Variants in MTHFD2L observed in about 807,000 individuals in gnomAD.
The protein encoded by MTHFD2L is methylenetetrahydrofolate dehydrogenase (NADP+ dependent) 2 like.
Under a neutral mutation model 34.9 loss-of-function variants are expected in MTHFD2L, and 29 were observed. That is an observed-to-expected ratio of 0.83 (90% CI 0.62 to 1.13). The LOEUF (loss-of-function observed/expected upper bound fraction) is 1.13, where lower values mean the gene tolerates loss of function less well. Ranked by LOEUF, MTHFD2L falls within the 50% of genes most tolerant of loss-of-function variation. The pLI is 0.00. For missense variants in MTHFD2L, 481 were observed against 446.5 expected (o/e 1.08, Z -0.70); for synonymous variants, 167 against 155.7 (o/e 1.07, Z -0.54).
chr4:74,251,412 G>T (rs1007815708), intron 6 of MTHFD2L, among the ~76,000 whole-genome samples: 7 of 152,264 alleles, frequency 4.6e-5, no homozygotes, highest in African/African-American at 1.7e-4. Context: ...GGTTGTGATT[G>T]TACTCCAGCT....
intron 5 of MTHFD2L, among the ~76,000 whole-genome samples, chr4:74,207,021 C>T (rs946972729): frequency 2.3e-4 from 35 of 152,082 alleles, no homozygotes; most frequent in African/African-American, 8.2e-4. Context: ...CTGTTGGGAG[C>T]ACGGTTGTTG....
intron 6 of MTHFD2L, among the ~76,000 whole-genome samples, chr4:74,231,330 T>C (rs992118549): frequency 2.6e-5 from 4 of 152,046 alleles, no homozygotes; most frequent in Non-Finnish European, 5.9e-5. Flanking sequence ...ACAGGGTTCG[T>C]AATTTTCAGG....
intron 6 of MTHFD2L, among the ~76,000 whole-genome samples, chr4:74,252,148 T>C (rs1420036189): frequency 6.6e-6 from 1 of 152,256 alleles, no homozygotes; most frequent in Non-Finnish European, 1.5e-5. Flanking sequence ...AGCAGCACCT[T>C]CTGCCATATA....
intron 7 of MTHFD2L, among the ~76,000 whole-genome samples, chr4:74,284,886 C>T (rs1747961036): frequency 6.6e-6 from 1 of 152,130 alleles, no homozygotes; most frequent in Non-Finnish European, 1.5e-5. Flanking sequence ...AAGACACATG[C>T]ACACGTATGT....
intron 1 of MTHFD2L, among the ~76,000 whole-genome samples, chr4:74,127,987 T>C (rs1042960599): frequency 1.1e-4 from 16 of 152,292 alleles, no homozygotes; most frequent in Admixed American, 4.6e-4. Flanking sequence ...TTTGCATTTT[T>C]CTGGTGACTA....
chr4:74,297,083 C>G (rs1749722661), intron 7 of MTHFD2L, among the ~76,000 whole-genome samples: 1 of 152,056 alleles, frequency 6.6e-6, no homozygotes, highest in Non-Finnish European at 1.5e-5. Flanking sequence ...GCTGGCAAAG[C>G]TATAGCACTT....
chr4:74,239,892 C>A (rs1258452707), intron 6 of MTHFD2L, among the ~76,000 whole-genome samples: 1 of 152,158 alleles, frequency 6.6e-6, no homozygotes, highest in Admixed American at 6.6e-5. Flanking sequence ...TTCCTTGTCT[C>A]TGTAAAATAC....
At chr4:74,205,694 A>C (rs1045735649) in intron 5 of MTHFD2L, among the ~76,000 whole-genome samples, 16 of 152,146 alleles carry the variant, frequency 1.1e-4, no homozygotes, top group Non-Finnish European at 2.1e-4. Flanking sequence ...GAAGCAAGGA[A>C]GGAGTTACCT....
At chr4:74,254,408 A>G (rs750687683) in intron 6 of MTHFD2L, among the ~76,000 whole-genome samples, 6 of 152,216 alleles carry the variant, frequency 3.9e-5, no homozygotes, top group Non-Finnish European at 8.8e-5. Context: ...ATCTTAAACA[A>G]GAGAACCCGC....
At chr4:74,163,503 GAA>G (rs1447729155) in intron 1 of MTHFD2L, among the ~76,000 whole-genome samples, 1 of 151,836 alleles carries the variant, frequency 6.6e-6, no homozygotes, top group Non-Finnish European at 1.5e-5. Flanking sequence ...TGGATACGAA[GAA>G]GAGTCATATA....
intron 1 of MTHFD2L, among the ~76,000 whole-genome samples, chr4:74,129,090 G>A (rs1722284239): frequency 6.6e-6 from 1 of 151,800 alleles, no homozygotes; most frequent in South Asian, 2.1e-4. Context: ...TGGTTACCTT[G>A]AGGCTTACAA....
At chr4:74,261,773 T>C (rs1578649684) in intron 6 of MTHFD2L, among the ~76,000 whole-genome samples, 1 of 152,078 alleles carries the variant, frequency 6.6e-6, no homozygotes, top group Admixed American at 6.6e-5. Context: ...TTCCTTCTGC[T>C]TCTTAGCTTT....
chr4:74,171,366 G>A (rs1401336689), intron 1 of MTHFD2L, among the ~76,000 whole-genome samples: 4 of 152,148 alleles, frequency 2.6e-5, no homozygotes, highest in African/African-American at 7.2e-5. Context: ...CAAGTATATG[G>A]AGCAACCAGA....
chr4:74,301,743 G>A lies in MTHFD2L; in HGVS notation c.978G>A (p.Val326=). 1 of 1,607,522 alleles carries A rather than the reference G, an allele frequency of 6.2e-7. No homozygotes were observed. The highest frequency in any genetic ancestry group is 8.5e-7 in the Non-Finnish European group (1 of 1,176,602). ...TTATCACTCCAGTTCCAGGAGGTGT[G>A]GGACCCATGACAGTGGCAATGCTTC... ...AGFITPVPGG[V]GPMTVAMLLK... Residue 326 remains valine (V), a synonymous_variant, in exon 8 of 8, where the codon GTG becomes GTA. Transcript: ENST00000325278.
intron 3 of MTHFD2L, among the ~76,000 whole-genome samples, chr4:74,192,133 A>G (rs922907266): frequency 6.6e-6 from 1 of 152,134 alleles, no homozygotes; most frequent in Non-Finnish European, 1.5e-5. Context: ...TAAAAAATAT[A>G]TATAATAAAT....
rs181807403 is a variant in MTHFD2L, at chr4:74,290,663, C to T, written c.931+9113C>T. ...GACTGTGTGTGTGTGTGTGTGTGTA[C>T]GCGCGAGGGTACATTGCTCACGTTT... On this transcript the variant is annotated intron_variant, in intron 7 of 7. Coordinates refer to ENST00000325278, the MANE Select transcript of MTHFD2L (RefSeq NM_001144978.3). Among the ~76,000 whole-genome samples, 1,083 of 150,836 alleles carry T rather than the reference C, an allele frequency of 7.2e-3. 20 individuals carry two copies. The highest frequency in any genetic ancestry group is 6.2e-3 in the Non-Finnish European group (422 of 67,808).
intron 6 of MTHFD2L, among the ~76,000 whole-genome samples, chr4:74,250,217 G>A (rs199848702): frequency 7.7e-4 from 116 of 151,600 alleles, no homozygotes; most frequent in East Asian, 3.7e-3. Context: ...TTCTTGCTTC[G>A]GATTTTCAAT....
At chr4:74,118,055 A>T (rs1370585460) in intron 2 of MTHFD2L, among the ~76,000 whole-genome samples, 3 of 152,222 alleles carry the variant, frequency 2.0e-5, no homozygotes, top group Non-Finnish European at 4.4e-5. Flanking sequence ...TTGTACTTAC[A>T]ACTCCTACAA....
chr4:74,160,260 G>A (rs920207228), intron 1 of MTHFD2L: 20 of 392,450 alleles, frequency 5.1e-5, no homozygotes, highest in African/African-American at 4.2e-4. Flanking sequence ...TTGCCTTTGA[G>A]TTTGATAAAC....
Sources: gnomAD v4.1 joint callset for allele counts (sites outside exome capture counted in the v4.1 genomes callset) on GRCh38, gnomAD v4.1.1 for gene constraint, MANE v1.5 for transcripts, NCBI Gene and HGNC (gene_info 2026-07-23, HGNC 2026-07-21) for gene names.